Variants in FUT9 observed in about 807,000 individuals in gnomAD.
FUT9 encodes fucosyltransferase 9.
In FUT9, 15 loss-of-function variants were observed where a neutral mutation model predicts 29.7. That is an observed-to-expected ratio of 0.51 (90% CI 0.34 to 0.78). FUT9 has a LOEUF of 0.78. Among genes scored for constraint, FUT9 ranks in the 30% least tolerant of loss-of-function variants. FUT9 has a pLI of 0.01. For missense variants in FUT9, 319 were observed against 425.4 expected, an observed-to-expected ratio of 0.75 and a Z score of 2.20; for synonymous variants, 169 against 153.7, an observed-to-expected ratio of 1.10 and a Z score of -0.74.
intron 1 of FUT9, among the ~76,000 whole-genome samples, chr6:96,074,659 A>T (rs931648814): frequency 1.3e-5 from 2 of 152,200 alleles, no homozygotes; most frequent in African/African-American, 4.8e-5. Flanking sequence ...TCACCTATAT[A>T]ACTATAGTTT....
At chr6:96,120,590 C>A (rs1772008140) in intron 2 of FUT9, among the ~76,000 whole-genome samples, 3 of 115,356 alleles carry the variant, frequency 2.6e-5, no homozygotes, top group East Asian at 5.4e-4. Context: ...GGCAAGACCA[C>A]CTTTTTTTTT....
chr6:96,068,696 A>G lies in FUT9; in HGVS notation c.-97-45343A>G, dbSNP rs147887127. Among the ~76,000 whole-genome samples the G allele has an allele frequency of 4.3e-3, 658 of 152,336 alleles. 5 individuals are homozygous for G. The highest frequency in any genetic ancestry group is 0.015 in the African/African-American group (604 of 41,584). On this transcript the variant is annotated intron_variant, in intron 1 of 2. Transcript: ENST00000302103. ...GGGCTAAGCTGTTACTAGAGAAACGAGGAAAGTTATGCTTTGGTAAAAATA... is the reference window on the plus strand; with the variant it reads ...GGGCTAAGCTGTTACTAGAGAAACGGGGAAAGTTATGCTTTGGTAAAAATA...
intron 1 of FUT9, among the ~76,000 whole-genome samples, chr6:96,094,911 A>T (rs547854201): frequency 6.6e-6 from 1 of 152,150 alleles, no homozygotes; most frequent in South Asian, 2.1e-4. Context: ...TAAATTCTTT[A>T]GCGGTGATTT....
chr6:96,212,299 C>T lies in FUT9; in HGVS notation c.*8064C>T, dbSNP rs1049307022. On this transcript the variant is annotated 3_prime_UTR_variant, in exon 3 of 3. Transcript: ENST00000302103. ...AGATTGCCAGAGGATATGAGCTCATCTAGGATGGAATACATGTCTCCAGGG... is the reference window on the plus strand; with the variant it reads ...AGATTGCCAGAGGATATGAGCTCATTTAGGATGGAATACATGTCTCCAGGG... 6 of 412,582 alleles carry T rather than the reference C, an allele frequency of 1.5e-5. No homozygotes were observed. The highest frequency in any genetic ancestry group is 1.0e-4 in the African/African-American group (5 of 48,566). 25.6% of individuals were successfully genotyped at this position (412,582 alleles called of 1,614,324 possible).
intron 1 of FUT9, among the ~76,000 whole-genome samples, chr6:96,028,712 T>A (rs1273309061): frequency 1.3e-5 from 2 of 151,546 alleles, no homozygotes; most frequent in Non-Finnish European, 3.0e-5. Context: ...AATTGGATAA[T>A]CCAATTCGAT....
chr6:96,061,387 CTTTAT>C (rs900755122), intron 1 of FUT9, among the ~76,000 whole-genome samples: 2 of 150,578 alleles, frequency 1.3e-5, no homozygotes, highest in African/African-American at 4.9e-5. Flanking sequence ...GTCTTCTCTT[CTTTAT>C]TTGTTTTTAG....
At chr6:96,174,846 A>G (rs1773175916) in intron 2 of FUT9, among the ~76,000 whole-genome samples, 1 of 152,188 alleles carries the variant, frequency 6.6e-6, no homozygotes, top group South Asian at 2.1e-4. Context: ...CTGAAGTCCT[A>G]AACTGATGAC....
chr6:96,161,389 G>T (rs1217568580), intron 2 of FUT9, among the ~76,000 whole-genome samples: 1 of 152,108 alleles, frequency 6.6e-6, no homozygotes. Context: ...CTTAATCTTG[G>T]ACTTTCCAGC....
chr6:96,065,457 T>C (rs540113271), intron 1 of FUT9, among the ~76,000 whole-genome samples: 50 of 152,288 alleles, frequency 3.3e-4, no homozygotes, highest in African/African-American at 1.1e-3. Flanking sequence ...TACAAATTCC[T>C]GGCAACTTGC....
At chr6:96,093,867 T>C (rs1308929590) in intron 1 of FUT9, among the ~76,000 whole-genome samples, 1 of 152,026 alleles carries the variant, frequency 6.6e-6, no homozygotes, top group African/African-American at 2.4e-5. Context: ...GACAGAGGAG[T>C]TGAAAAACTT....
chr6:96,182,338 T>A (rs772046288), intron 2 of FUT9, among the ~76,000 whole-genome samples: 1 of 152,090 alleles, frequency 6.6e-6, no homozygotes, highest in Non-Finnish European at 1.5e-5. Context: ...GTCAGATGTA[T>A]AGATTGTGAA....
intron 1 of FUT9, among the ~76,000 whole-genome samples, chr6:96,103,016 C>G (rs1430528581): frequency 6.6e-6 from 1 of 152,144 alleles, no homozygotes; most frequent in Non-Finnish European, 1.5e-5. Context: ...CAGGTCCAGA[C>G]TTCCTTGGTC....
At chr6:96,078,662 A>C (rs1351825776) in intron 1 of FUT9, among the ~76,000 whole-genome samples, 6 of 151,474 alleles carry the variant, frequency 4.0e-5, no homozygotes, top group Non-Finnish European at 8.8e-5. Context: ...CCTCGTGATG[A>C]GCCCGACTCG....
At chr6:96,033,168 A>C (rs1770293526) in intron 1 of FUT9, among the ~76,000 whole-genome samples, 1 of 151,708 alleles carries the variant, frequency 6.6e-6, no homozygotes. Flanking sequence ...TGCTAGTGAA[A>C]GTATGAAAAA....
intron 2 of FUT9, among the ~76,000 whole-genome samples, chr6:96,174,318 G>T (rs1162869767): frequency 6.6e-6 from 1 of 152,040 alleles, no homozygotes; most frequent in East Asian, 1.9e-4. Context: ...TGTGAACTGA[G>T]GATTACTAAT....
intron 2 of FUT9, among the ~76,000 whole-genome samples, chr6:96,121,967 T>C (rs1277258177): frequency 6.6e-6 from 1 of 152,062 alleles, no homozygotes; most frequent in East Asian, 1.9e-4. Context: ...AGCTGCTTTA[T>C]ATGATAAAGT....
rs147783063 is a variant in FUT9 at position 96,132,282 on chromosome 6, C to T, written c.-9+18155C>T. 3.7e-3 allele frequency among the ~76,000 whole-genome samples: 389 copies of T among 105,230 alleles called. 1 individual carries two copies. Among genetic ancestry groups the T allele is most frequent in the African/African-American group, 0.013 (376 of 28,652 alleles). The allele number at this position is 105,230 out of a possible 152,430, so 69.0% of individuals were successfully genotyped here. On this transcript the variant is annotated intron_variant, in intron 2 of 2. Transcript: ENST00000302103. ...CTCAACATCATTCCAGAAAACTGACCGAAAAACAAAGGTTGAAAGAACATA... is the reference window on the plus strand; with the variant it reads ...CTCAACATCATTCCAGAAAACTGACTGAAAAACAAAGGTTGAAAGAACATA...
At chr6:96,027,738 T>C (rs1233920141) in intron 1 of FUT9, among the ~76,000 whole-genome samples, 1 of 151,638 alleles carries the variant, frequency 6.6e-6, no homozygotes, top group African/African-American at 2.4e-5. Context: ...GTTCTCTGGC[T>C]TTTATTCTTT....
intron 2 of FUT9, among the ~76,000 whole-genome samples, chr6:96,124,266 C>T (rs1463492533): frequency 2.0e-5 from 3 of 151,396 alleles, no homozygotes; most frequent in Non-Finnish European, 2.9e-5. Flanking sequence ...ATTCTCCTGC[C>T]TCAGTCTCCT....
Sources: gnomAD v4.1 joint callset for allele counts (sites outside exome capture counted in the v4.1 genomes callset) on GRCh38, gnomAD v4.1.1 for gene constraint, MANE v1.5 for transcripts, NCBI Gene and HGNC (gene_info 2026-07-23, HGNC 2026-07-21) for gene names.